LRRC37A: variants seen among roughly 807,000 people sequenced by gnomAD.
LRRC37A encodes leucine rich repeat containing 37A, also known as leucine-rich repeat-containing protein 37A.
In LRRC37A, 3 loss-of-function variants were observed where a neutral mutation model predicts 35.4. The observed-to-expected ratio is 0.08, with a 90% CI of 0.04 to 0.22. The LOEUF (loss-of-function observed/expected upper bound fraction) is 0.22. LRRC37A is among the 10% of genes least tolerant of loss of function. The pLI, the probability that LRRC37A is intolerant of heterozygous loss-of-function variation, is 1.00. For missense variants in LRRC37A, 67 were observed against 565.3 expected (o/e 0.12, Z 8.94); for synonymous variants, 23 against 215.0 (o/e 0.11, Z 7.81).
chr17:46,263,410 G>A, the LRRC37A span, among the ~76,000 whole-genome samples: 1 of 151,840 alleles, frequency 6.6e-6, no homozygotes. Context: ...AATTAGCCAG[G>A]CATGGTGGTG....
At chr17:46,276,780 TTC>T in the LRRC37A span, among the ~76,000 whole-genome samples, 6 of 151,470 alleles carry the variant, frequency 4.0e-5, no homozygotes, top group Admixed American at 2.6e-4. Flanking sequence ...TGTAATTTTT[TTC>T]TTTTTTTCTT....
intron 7 of LRRC37A, among the ~76,000 whole-genome samples, chr17:46,325,687 G>A (rs2143998675): frequency 1.2e-5 from 1 of 81,008 alleles, no homozygotes; most frequent in Admixed American, 1.3e-4. Flanking sequence ...ATTGAGTGAT[G>A]ATAGTCCTCT....
chr17:46,272,597 T>C, the LRRC37A span, among the ~76,000 whole-genome samples: 2 of 152,260 alleles, frequency 1.3e-5, no homozygotes, highest in African/African-American at 4.8e-5. Flanking sequence ...GTACTTTTAG[T>C]AGAGATGGGG....
In LRRC37A at chr17:46,331,213, C is replaced by T. The variant is rs756464366; in HGVS notation, c.3936C>T (p.Ser1312=). 9.6e-6 allele frequency: 7 copies of T among 725,936 alleles called. 2 individuals are homozygous for T. The highest frequency in any genetic ancestry group is 7.7e-5 in the East Asian group (3 of 38,814). The allele number at this position is 725,936 out of a possible 1,614,324, so 45.0% of individuals were successfully genotyped here. Residue 1312 remains serine, a synonymous_variant, in exon 9 of 14, where the codon TCC becomes TCT. Transcript: ENST00000320254. ...AATACCGCTTTCACAAAACTCGCTC[C>T]CACGTGACCCACAGAACAACCAAAG...
chr17:46,268,650 A>G, the LRRC37A span: 1 of 1,543,684 alleles, frequency 6.5e-7, no homozygotes. Flanking sequence ...TAACCCAAAA[A>G]GGGAAGGGCA....
the LRRC37A span, chr17:46,275,442 C>G: frequency 1.2e-5 from 10 of 868,492 alleles, no homozygotes; most frequent in African/African-American, 1.7e-4. Flanking sequence ...AAAAAGGGAA[C>G]AATTGAGCAC....
the LRRC37A span, among the ~76,000 whole-genome samples, chr17:46,254,211 G>T: frequency 6.6e-6 from 1 of 152,102 alleles, no homozygotes; most frequent in Non-Finnish European, 1.5e-5. Context: ...GAACCGAGGA[G>T]AGGAGATGGG....
chr17:46,280,722 C>T, the LRRC37A span, among the ~76,000 whole-genome samples: 18,385 of 149,316 alleles, frequency 0.12, 2 homozygotes, highest in Middle Eastern at 0.19. Flanking sequence ...TACAGGCATG[C>T]GCCACTATGC....
At chr17:46,277,532 A>G in the LRRC37A span, among the ~76,000 whole-genome samples, 5 of 152,264 alleles carry the variant, frequency 3.3e-5, no homozygotes, top group Non-Finnish European at 7.3e-5. Context: ...GCTTATAATG[A>G]GAAGTTGTGC....
chr17:46,284,506 C>G, the LRRC37A span, among the ~76,000 whole-genome samples: 1 of 152,238 alleles, frequency 6.6e-6, no homozygotes, highest in Non-Finnish European at 1.5e-5. Context: ...TAGTACAGAA[C>G]AAAATGGAGT....
At chr17:46,283,605 T>C in the LRRC37A span, among the ~76,000 whole-genome samples, 2 of 152,262 alleles carry the variant, frequency 1.3e-5, no homozygotes, top group Admixed American at 6.5e-5. Context: ...TCGGAAGACC[T>C]TGGTGTGGTG....
the LRRC37A span, among the ~76,000 whole-genome samples, chr17:46,285,086 C>G: frequency 3.3e-5 from 5 of 152,122 alleles, no homozygotes; most frequent in African/African-American, 1.2e-4. Flanking sequence ...CCAGATTGGT[C>G]TCTAACTAAT....
the LRRC37A span, among the ~76,000 whole-genome samples, chr17:46,286,793 TC>T: frequency 3.3e-5 from 5 of 152,284 alleles, no homozygotes; most frequent in Admixed American, 3.3e-4. Context: ...TTATTAGAAC[TC>T]ACTGTGACTG....
Position 46,316,657 on chromosome 17 carries a change from G to A in LRRC37A, c.2907-5665G>A, listed in dbSNP as rs538898019. The stretch of plus-strand genomic sequence containing the variant: ...TATTGATCATTCTTGGGTGTTTCTC[G>A]CAGAGGGGGATTTGGCAGGGTCATA... On this transcript the variant is annotated intron_variant, in intron 5 of 13. Coordinates refer to ENST00000320254, the Ensembl canonical transcript of LRRC37A. Among the ~76,000 whole-genome samples, 70 of 64,730 alleles carry A rather than the reference G, an allele frequency of 1.1e-3. 14 individuals are homozygous for A. In the East Asian group the frequency reaches 0.017, roughly 15 times the overall value. The allele number at this position is 64,730 out of a possible 152,430, so 42.5% of individuals were successfully genotyped here.
At chr17:46,287,535 G>A in the LRRC37A span, among the ~76,000 whole-genome samples, 1 of 152,268 alleles carries the variant, frequency 6.6e-6, no homozygotes, top group Non-Finnish European at 1.5e-5. Context: ...ACTAAGAAAG[G>A]TACATAGAGC....
the LRRC37A span, among the ~76,000 whole-genome samples, chr17:46,283,117 C>CA: frequency 3.0e-3 from 457 of 151,804 alleles, 3 homozygotes; most frequent in South Asian, 0.093. Flanking sequence ...GACTCCATCT[C>CA]AAAAAAATAA....
At chr17:46,253,014 G>A in the LRRC37A span, among the ~76,000 whole-genome samples, 1 of 143,408 alleles carries the variant, frequency 7.0e-6, no homozygotes, top group South Asian at 2.1e-4. Context: ...GGGCGGAGGG[G>A]CTCCTCACTT....
At chr17:46,267,628 G>A in the LRRC37A span, 9 of 1,437,412 alleles carry the variant, frequency 6.3e-6, no homozygotes, top group Non-Finnish European at 7.8e-6. Context: ...GGGACGGATG[G>A]GGGACAGTAT....
chr17:46,268,063 G>C, the LRRC37A span, among the ~76,000 whole-genome samples: 1 of 151,906 alleles, frequency 6.6e-6, no homozygotes, highest in East Asian at 1.9e-4. Context: ...ACTGCGCCCA[G>C]CCCCACTCCC....
Sources: allele counts gnomAD v4.1 joint callset (sites outside exome capture counted in the v4.1 genomes callset), GRCh38; gene constraint gnomAD v4.1.1; transcripts MANE v1.5; gene names NCBI Gene and HGNC (gene_info 2026-07-23, HGNC 2026-07-21).